SORBS2: variants seen among roughly 807,000 people sequenced by gnomAD.
SORBS2 encodes the protein sorbin and SH3 domain-containing protein 2.
A neutral mutation model predicts 97.7 loss-of-function variants in SORBS2; 46 were observed. The observed-to-expected ratio is 0.47, with a 90% CI of 0.37 to 0.60. The LOEUF (loss-of-function observed/expected upper bound fraction) is 0.60, where lower values mean the gene tolerates loss of function less well. SORBS2 is among the 20% of genes least tolerant of loss of function. SORBS2 has a pLI of 0.00. For missense variants in SORBS2, 1,316 were observed against 1,282.3 expected, an observed-to-expected ratio of 1.03 and a Z score of -0.40; for synonymous variants, 476 against 473.4, an observed-to-expected ratio of 1.01 and a Z score of -0.07.
intron 1 of SORBS2, among the ~76,000 whole-genome samples, chr4:185,871,939 C>G (rs141932787): frequency 1.2e-4 from 18 of 152,356 alleles, no homozygotes; most frequent in African/African-American, 3.4e-4. Context: ...TAATGTCATA[C>G]TGCTCATCAA....
chr4:185,868,147 C>CTTTTTTCTTTTT (rs1554043746), intron 1 of SORBS2, among the ~76,000 whole-genome samples: 3 of 89,764 alleles, frequency 3.3e-5, no homozygotes, highest in Non-Finnish European at 6.6e-5. Flanking sequence ...CTTTTCTTTT[C>CTTTTTTCTTTTT]TTTTTTTCTT....
rs1041940380 is a variant in SORBS2 at position 185,729,805 on chromosome 4, C to T, written c.-198+45422G>A. Among the ~76,000 whole-genome samples, 5 of 152,042 alleles carry T rather than the reference C, an allele frequency of 3.3e-5. No homozygotes were observed. The South Asian group carries it at 8.3e-4, about 25-fold the overall frequency. On this transcript the variant is annotated intron_variant, in intron 2 of 20. Transcript: ENST00000284776. ...CAGTACAACTTATGTAATTTTTTTTCAGGGAAGTGAGAAAAATATAACACG... is the reference window on the plus strand; with the variant it reads ...CAGTACAACTTATGTAATTTTTTTTTAGGGAAGTGAGAAAAATATAACACG...
chr4:185,782,270 A>C (rs1159688887), intron 1 of SORBS2, among the ~76,000 whole-genome samples: 1 of 152,248 alleles, frequency 6.6e-6, no homozygotes, highest in Non-Finnish European at 1.5e-5. Context: ...CTTTGTAGCT[A>C]CATATTTGGT....
At chr4:185,735,162 G>A (rs1393108979) in intron 2 of SORBS2, among the ~76,000 whole-genome samples, 3 of 152,210 alleles carry the variant, frequency 2.0e-5, no homozygotes, top group Non-Finnish European at 2.9e-5. Flanking sequence ...GTCATGGGAT[G>A]TGGGGAGCTG....
intron 1 of SORBS2, among the ~76,000 whole-genome samples, chr4:185,926,708 T>C (rs1196913576): frequency 1.3e-5 from 2 of 152,192 alleles, no homozygotes; most frequent in African/African-American, 4.8e-5. Context: ...CCTTTGCCCA[T>C]ATCTCTGTTT....
chr4:185,920,471 C>A (rs1249548732), intron 1 of SORBS2, among the ~76,000 whole-genome samples: 1 of 152,162 alleles, frequency 6.6e-6, no homozygotes, highest in Non-Finnish European at 1.5e-5. Context: ...TGTAACAGAT[C>A]CTGCTTCATC....
chr4:185,876,373 G>C (rs1014675847), intron 1 of SORBS2, among the ~76,000 whole-genome samples: 1 of 152,174 alleles, frequency 6.6e-6, no homozygotes, highest in African/African-American at 2.4e-5. Context: ...CTCCCAAAGT[G>C]CTGGGATTAC....
intron 2 of SORBS2, among the ~76,000 whole-genome samples, chr4:185,765,771 A>G (rs1286046088): frequency 6.6e-6 from 1 of 152,242 alleles, no homozygotes; most frequent in Non-Finnish European, 1.5e-5. Context: ...CCACAGAAAA[A>G]GGTAGTATTT....
chr4:185,903,317 G>A (rs1176936337), intron 1 of SORBS2, among the ~76,000 whole-genome samples: 1 of 152,166 alleles, frequency 6.6e-6, no homozygotes, highest in Non-Finnish European at 1.5e-5. Context: ...TAAATGTAAA[G>A]CATGTGACAT....
At chr4:185,868,159 CTTT>C (rs112680775) in intron 1 of SORBS2, among the ~76,000 whole-genome samples, 1 of 105,218 alleles carries the variant, frequency 9.5e-6, no homozygotes, top group Admixed American at 1.1e-4. Flanking sequence ...TTTTTTCTTT[CTTT>C]TTTTTTTTTT....
intron 2 of SORBS2, among the ~76,000 whole-genome samples, chr4:185,735,991 A>G (rs2098683756): frequency 6.6e-6 from 1 of 152,238 alleles, no homozygotes; most frequent in East Asian, 1.9e-4. Context: ...CACACAAGGC[A>G]GGGCCTGTGA....
At chr4:185,871,772 C>G (rs1156699296) in intron 1 of SORBS2, among the ~76,000 whole-genome samples, 2 of 152,166 alleles carry the variant, frequency 1.3e-5, no homozygotes, top group African/African-American at 4.8e-5. Flanking sequence ...CACCTGTTCC[C>G]TAATGTGCAG....
intron 1 of SORBS2, among the ~76,000 whole-genome samples, chr4:185,938,357 A>AGGATC (rs988597927): frequency 6.7e-6 from 1 of 149,460 alleles, no homozygotes; most frequent in African/African-American, 2.5e-5. Flanking sequence ...AGGGGAACCT[A>AGGATC]GGATCCTCTC....
At chr4:185,610,381 T>G (rs982008125) in intron 12 of SORBS2, among the ~76,000 whole-genome samples, 9 of 151,710 alleles carry the variant, frequency 5.9e-5, no homozygotes, top group African/African-American at 1.9e-4. Context: ...CTGTAAATGC[T>G]AAGGTCTGGT....
chr4:185,835,695 T>A (rs902029778), intron 1 of SORBS2, among the ~76,000 whole-genome samples: 1 of 147,864 alleles, frequency 6.8e-6, no homozygotes, highest in African/African-American at 2.5e-5. Context: ...GTTCAGCTAT[T>A]GGGGACTAAG....
At chr4:185,690,215 T>A (rs2153517298) in intron 2 of SORBS2, among the ~76,000 whole-genome samples, 1 of 152,350 alleles carries the variant, frequency 6.6e-6, no homozygotes, top group East Asian at 1.9e-4. Flanking sequence ...GAATATTTTC[T>A]TCTAGAGCAA....
intron 1 of SORBS2, among the ~76,000 whole-genome samples, chr4:185,896,595 A>G (rs2099245159): frequency 6.6e-6 from 1 of 152,184 alleles, no homozygotes; most frequent in Non-Finnish European, 1.5e-5. Flanking sequence ...AAAATAAATA[A>G]ATAAACAAAC....
intron 1 of SORBS2, among the ~76,000 whole-genome samples, chr4:185,912,908 C>T (rs933640355): frequency 6.6e-6 from 1 of 152,100 alleles, no homozygotes; most frequent in Non-Finnish European, 1.5e-5. Flanking sequence ...AATAAACAGC[C>T]GGATACTGCT....
At position 185,730,286 on chromosome 4, in the gene SORBS2, T is replaced by A. The variant is rs1583570256; in HGVS notation, c.-198+44941A>T. Among the ~76,000 whole-genome samples the A allele has an allele frequency of 2.0e-5, 3 of 151,256 alleles. No individual in the cohort carries two copies. The Middle Eastern group carries it at 0.01, about 514-fold the overall frequency. ...CCAGGAAAGTGTAATTCTAATTTTTTTTTTTTAAAGGTCAATATACTTTCT... is the reference window on the plus strand; with the variant it reads ...CCAGGAAAGTGTAATTCTAATTTTTATTTTTTAAAGGTCAATATACTTTCT... On this transcript the variant is annotated intron_variant, in intron 2 of 20. Transcript: ENST00000284776.
Sources: gnomAD v4.1 joint callset for allele counts (sites outside exome capture counted in the v4.1 genomes callset) on GRCh38, gnomAD v4.1.1 for gene constraint, MANE v1.5 for transcripts, NCBI Gene and HGNC (gene_info 2026-07-23, HGNC 2026-07-21) for gene names.